Variants in ESYT2 observed in about 807,000 individuals in gnomAD.
The protein encoded by ESYT2 is extended synaptotagmin-2.
A neutral mutation model predicts 107.2 loss-of-function variants in ESYT2; 54 were observed. That is an observed-to-expected ratio of 0.50 (90% CI 0.40 to 0.63). The LOEUF (loss-of-function observed/expected upper bound fraction) is 0.63. Ranked by LOEUF, ESYT2 falls within the 30% of genes least tolerant of loss-of-function variation. The pLI is 0.00. For missense variants in ESYT2, 1,020 were observed against 1,094.5 expected (o/e 0.93, Z 0.96); for synonymous variants, 491 against 434.1 (o/e 1.13, Z -1.63).
intron 1 of ESYT2, among the ~76,000 whole-genome samples, chr7:158,810,690 A>AAAG (rs1839970254): frequency 6.8e-6 from 1 of 147,384 alleles, no homozygotes; most frequent in African/African-American, 2.5e-5. Context: ...TTGGGGGGGA[A>AAAG]AAAAAAAGGC....
intron 1 of ESYT2, among the ~76,000 whole-genome samples, chr7:158,818,879 CCAGAGGCCGGTGGCCA>C (rs1840216199): frequency 6.6e-6 from 1 of 152,132 alleles, no homozygotes; most frequent in Non-Finnish European, 1.5e-5. Context: ...TCAAAGCTAA[CCAGAGGCCGGTGGCCA>C]CACCTCAGCA....
chr7:158,737,020 C>G (rs771057217), intron 20 of ESYT2, 28 bp downstream of exon 20: 17 of 1,610,764 alleles, frequency 1.1e-5, no homozygotes, highest in Non-Finnish European at 1.4e-5. Flanking sequence ...ACCGGGCAGT[C>G]TATCCTCAGC....
Position 158,797,952 on chromosome 7 carries a change from A to G in ESYT2, c.497T>C (p.Val166Ala), listed in dbSNP as rs755416255. 11 of 1,613,818 alleles carry G rather than the reference A, an allele frequency of 6.8e-6. No homozygotes were observed. Among genetic ancestry groups the G allele is most frequent in the Non-Finnish European group, 9.3e-6 (11 of 1,179,876 alleles). ...TAAGAGAACACTGACCTGCTGGCCCACGTCGACCTTCGTGAAACTAAAGGT... is the reference window on the plus strand; with the variant it reads ...TAAGAGAACACTGACCTGCTGGCCCGCGTCGACCTTCGTGAAACTAAAGGT... ...LSTFSFTKVD[V>A]GQQPLRINGV... is the part of the protein sequence containing the mutation. Residue 166 changes from valine (V) to alanine (A), a missense_variant, in exon 3 of 23, where the codon GTG becomes GCG. Transcript: ENST00000275418.
intron 7 of ESYT2, among the ~76,000 whole-genome samples, chr7:158,770,528 T>C (rs1838326374): frequency 6.6e-6 from 1 of 151,324 alleles, no homozygotes; most frequent in South Asian, 2.1e-4. Flanking sequence ...TATATTTTTT[T>C]TCCTGAGACG....
In ESYT2 at chr7:158,829,164, G is replaced by A; in HGVS notation, c.255C>T (p.Cys85=). 7.1e-6 allele frequency: 11 copies of A among 1,552,444 alleles called. No homozygotes were observed. Among genetic ancestry groups the A allele is most frequent in the Non-Finnish European group, 9.5e-6 (11 of 1,157,624 alleles). Residue 85 remains cysteine (C), a synonymous_variant, in exon 1 of 23, where the codon TGC becomes TGT. Transcript: ENST00000275418. The part of the protein sequence containing the change: ...RSRGLKALRL[C]RALALLEDEE... ...CGTCTTCCAGCAGCGCCAGCGCGCGGCACAGGCGCAGGGCCTTGAGGCCGC... is the reference window on the plus strand; with the variant it reads ...CGTCTTCCAGCAGCGCCAGCGCGCGACACAGGCGCAGGGCCTTGAGGCCGC...
At chr7:158,746,501 C>A (rs1483390684) in intron 16 of ESYT2, among the ~76,000 whole-genome samples, 2 of 149,362 alleles carry the variant, frequency 1.3e-5, no homozygotes, top group Non-Finnish European at 1.5e-5. Context: ...CAAAGTGAGA[C>A]CCTGCCTCAA....
chr7:158,825,021 G>A lies in ESYT2; in HGVS notation c.330+4068C>T, dbSNP rs185350742. Among the ~76,000 whole-genome samples, 191 of 152,308 alleles carry A rather than the reference G, an allele frequency of 1.3e-3. 1 individual carries two copies. Among genetic ancestry groups the A allele is most frequent in the African/African-American group, 4.4e-3 (181 of 41,566 alleles). Reference sequence around the variant, plus strand: ...TTAAAAAACAAAAAAGGCTGGGCGCGGTGGTTCATGCCTGTAATCCCAGCA... The same window carrying A: ...TTAAAAAACAAAAAAGGCTGGGCGCAGTGGTTCATGCCTGTAATCCCAGCA... On this transcript the variant is annotated intron_variant, in intron 1 of 22. Coordinates refer to ENST00000275418, the MANE Select transcript of ESYT2 (RefSeq NM_001367773.1).
chr7:158,829,340 C>G lies in ESYT2; in HGVS notation c.79G>C (p.Gly27Arg), dbSNP rs202009375. The G allele has an allele frequency of 9.3e-3, 13,425 of 1,443,278 alleles. 64 individuals carry two copies. The highest frequency in any genetic ancestry group is 0.011 in the Non-Finnish European group (12,041 of 1,104,526). The allele number at this position is 1,443,278 out of a possible 1,614,324, so 89.4% of individuals were successfully genotyped here. ...GGRAAPENPGGVLSVELPGLL... is the reference protein window; with the variant it reads ...GGRAAPENPGRVLSVELPGLL... ...CCGGGCAGCTCCACGCTCAGCACGC[C>G]CCCGGGGTTCTCAGGCGCCGCGCGG... The change falls in exon 1 of 23, where the codon GGC (glycine) becomes CGC (arginine). Residue 27 changes from glycine (G) to arginine (R), a missense_variant. Physicochemically the swap from Gly to Arg is moderately radical, Grantham distance 125 (BLOSUM62 -2). Coordinates refer to ENST00000275418, the MANE Select transcript of ESYT2 (RefSeq NM_001367773.1).
chr7:158,731,086 C>T lies in ESYT2; in HGVS notation c.*3121G>A, dbSNP rs1836730507. ...AAGGAGGTTCTCTACTTTTTAACCC[C>T]CATCCCCCACCGCTGTTCTCTATTT... On this transcript the variant is annotated 3_prime_UTR_variant, in exon 23 of 23. Transcript: ENST00000275418. 1 of 152,070 alleles carries T rather than the reference C, an allele frequency of 6.6e-6. No individual in the cohort carries two copies. The highest frequency in any genetic ancestry group is 1.5e-5 in the Non-Finnish European group (1 of 68,046). 9.4% of individuals were successfully genotyped at this position (152,070 alleles called of 1,614,324 possible). A position where few individuals can be genotyped will look rare whatever the true frequency, so the allele number is the denominator to read the frequency against.
At chr7:158,794,975 A>G (rs1839417774) in intron 3 of ESYT2, among the ~76,000 whole-genome samples, 1 of 152,326 alleles carries the variant, frequency 6.6e-6, no homozygotes, top group African/African-American at 2.4e-5. Flanking sequence ...CTGCACTAAA[A>G]AACACAATCA....
intron 1 of ESYT2, among the ~76,000 whole-genome samples, chr7:158,812,948 A>G (rs532393866): frequency 6.6e-6 from 1 of 152,346 alleles, no homozygotes; most frequent in South Asian, 2.1e-4. Context: ...TGTGACCACG[A>G]ATGGGCACAA....
In ESYT2 at chr7:158,824,799, T is replaced by C. The variant is rs548769025; in HGVS notation, c.330+4290A>G. 4.6e-5 allele frequency among the ~76,000 whole-genome samples: 7 copies of C among 152,276 alleles called. No individual in the cohort carries two copies. In the East Asian group the frequency reaches 1.2e-3, roughly 25 times the overall value. On this transcript the variant is annotated intron_variant, in intron 1 of 22. Coordinates refer to ENST00000275418, the MANE Select transcript of ESYT2 (RefSeq NM_001367773.1). ...CCTATGAAGAGATAATATTTTCAAA[T>C]AAATAAAAATAGTAATGAAAAATTG...
At chr7:158,772,986 GAGA>G (rs1377433415) in intron 7 of ESYT2, among the ~76,000 whole-genome samples, 3 of 151,302 alleles carry the variant, frequency 2.0e-5, no homozygotes, top group Non-Finnish European at 4.4e-5. Flanking sequence ...TATTGTTTCT[GAGA>G]AGATTAAAAA....
rs1563023556 is a variant in ESYT2 at position 158,792,763 on chromosome 7, G to GT, written c.584+886_584+887insA. ...TTTTTAACCACTGAGTATAACGTGG[G>GT]GTTTTTTTTTTTTTTTTTTTTTTGA... On this transcript the variant is annotated intron_variant, in intron 4 of 22. Transcript: ENST00000275418. 3.4e-3 allele frequency among the ~76,000 whole-genome samples: 461 copies of GT among 133,988 alleles called. 1 individual carries two copies. Among genetic ancestry groups the GT allele is most frequent in the African/African-American group, 0.013 (439 of 32,530 alleles). 87.9% of individuals were successfully genotyped at this position (133,988 alleles called of 152,430 possible).
chr7:158,782,833 C>T (rs1182412845), intron 6 of ESYT2, among the ~76,000 whole-genome samples: 1 of 151,836 alleles, frequency 6.6e-6, no homozygotes, highest in Admixed American at 6.6e-5. Flanking sequence ...AGAATGAGTG[C>T]GGACAAGTGT....
chr7:158,826,327 G>A (rs773091993), intron 1 of ESYT2, among the ~76,000 whole-genome samples: 11 of 152,178 alleles, frequency 7.2e-5, no homozygotes, highest in East Asian at 1.9e-4. Flanking sequence ...TTCAAGAAGC[G>A]TCTTAAGCAT....
intron 15 of ESYT2, 124 bp downstream of exon 15, chr7:158,749,525 G>A (rs1837516563): frequency 1.3e-6 from 1 of 798,806 alleles, no homozygotes; most frequent in East Asian, 2.7e-5. Flanking sequence ...AAAAGCCCTG[G>A]TCTCGATGCC....
At chr7:158,736,974 A>T in intron 20 of ESYT2, 74 bp downstream of exon 20, 1 of 1,581,720 alleles carries the variant, frequency 6.3e-7, no homozygotes, top group Non-Finnish European at 8.6e-7. Context: ...GGCCACTCAA[A>T]GGCACCATTT....
chr7:158,798,195 G>A (rs996998619), intron 2 of ESYT2, 119 bp from the exon 3 acceptor site: 5 of 1,052,392 alleles, frequency 4.8e-6, no homozygotes, highest in Non-Finnish European at 5.4e-6. Flanking sequence ...AGGGCGGGAG[G>A]ATCTTGTTGT....
Sources: allele counts gnomAD v4.1 joint callset (sites outside exome capture counted in the v4.1 genomes callset), GRCh38; gene constraint gnomAD v4.1.1; transcripts MANE v1.5; gene names NCBI Gene and HGNC (gene_info 2026-07-23, HGNC 2026-07-21).